The following EPHA3 variants were observed in gnomAD, a reference collection of about 807,000 sequenced individuals.
The protein encoded by EPHA3 is ephrin type-A receptor 3.
Under a neutral mutation model 107.1 loss-of-function variants are expected in EPHA3, and 42 were observed. The ratio of observed to expected loss-of-function variants is 0.39; its 90% CI spans 0.31 to 0.51. The LOEUF (loss-of-function observed/expected upper bound fraction) is 0.51, where lower values mean the gene tolerates loss of function less well. Among genes scored for constraint, EPHA3 ranks in the 20% least tolerant of loss-of-function variants. EPHA3 has a pLI of 0.78. For synonymous variants in EPHA3, 461 were observed against 424.8 expected (o/e 1.09, Z -1.05); for missense variants, 1,183 against 1,211.2 (o/e 0.98, Z 0.35).
chr3:89,145,904 A>C (rs1210169651), intron 2 of EPHA3, among the ~76,000 whole-genome samples: 1 of 151,824 alleles, frequency 6.6e-6, no homozygotes, highest in African/African-American at 2.4e-5. Context: ...TGCATAATTT[A>C]GTTAAAAAAG....
At chr3:89,294,767 G>A (rs529703846) in intron 3 of EPHA3, among the ~76,000 whole-genome samples, 1 of 152,226 alleles carries the variant, frequency 6.6e-6, no homozygotes, top group African/African-American at 2.4e-5. Context: ...GCCTACTAAT[G>A]CTAACATCTA....
At chr3:89,306,462 C>T (rs954965) in intron 3 of EPHA3, among the ~76,000 whole-genome samples, 11,153 of 152,156 alleles carry the variant, frequency 0.073, 1,336 homozygotes, top group African/African-American at 0.25. Flanking sequence ...TTAATGTTAA[C>T]AGTGGCTTTC....
rs376280559 is a variant in EPHA3 at position 89,424,379 on chromosome 3, G to T, written c.2075-4727G>T. On this transcript the variant is annotated intron_variant, in intron 11 of 16. Coordinates refer to ENST00000336596, the MANE Select transcript of EPHA3 (RefSeq NM_005233.6). ...TAGAAAATATGTATTCCTGATAAAG[G>T]TATGTAAACAGCCCCCAAACAAACA... Among the ~76,000 whole-genome samples, 77 of 151,196 alleles carry T rather than the reference G, an allele frequency of 5.1e-4. 2 individuals are homozygous for T. The East Asian group carries it at 0.012, about 24-fold the overall frequency.
chr3:89,149,001 T>C (rs1704631902), intron 2 of EPHA3, among the ~76,000 whole-genome samples: 1 of 151,998 alleles, frequency 6.6e-6, no homozygotes, highest in South Asian at 2.1e-4. Context: ...AAAGCTAGAA[T>C]GCCATAATGC....
At chr3:89,243,966 AGCCCC>A (rs1704971766) in intron 3 of EPHA3, among the ~76,000 whole-genome samples, 1 of 152,164 alleles carries the variant, frequency 6.6e-6, no homozygotes, top group Non-Finnish European at 1.5e-5. Context: ...AAAAAAATAA[AGCCCC>A]TCACTTTGAT....
intron 5 of EPHA3, among the ~76,000 whole-genome samples, chr3:89,365,315 T>TTTCA (rs1300200475): frequency 6.6e-6 from 1 of 150,732 alleles, no homozygotes; most frequent in Non-Finnish European, 1.5e-5. Context: ...AGGGGAAGAC[T>TTTCA]GAAAGGGCAA....
At chr3:89,441,300 G>A (rs1172301558) in intron 13 of EPHA3, among the ~76,000 whole-genome samples, 4 of 152,182 alleles carry the variant, frequency 2.6e-5, no homozygotes, top group Non-Finnish European at 5.9e-5. Flanking sequence ...GCAAACATTA[G>A]CTTCTGATTC....
chr3:89,316,505 A>ATATATATATATAT, intron 3 of EPHA3, among the ~76,000 whole-genome samples: 1 of 104,134 alleles, frequency 9.6e-6, no homozygotes, highest in African/African-American at 3.5e-5. Flanking sequence ...GTGTGTGTGT[A>ATATATATATATAT]ATATATATAT....
chr3:89,183,414 T>A (rs1416197779), intron 2 of EPHA3, among the ~76,000 whole-genome samples: 1 of 151,822 alleles, frequency 6.6e-6, no homozygotes, highest in Admixed American at 6.6e-5. Context: ...TGCAATTAGA[T>A]CTTCTCTTGC....
chr3:89,138,735 T>C (rs1480322746), intron 2 of EPHA3, among the ~76,000 whole-genome samples: 5 of 151,882 alleles, frequency 3.3e-5, no homozygotes, highest in African/African-American at 4.8e-5. Context: ...TGGTTATATA[T>C]CTTGAGGATT....
At chr3:89,321,313 G>A (rs185712998) in intron 3 of EPHA3, among the ~76,000 whole-genome samples, 3 of 151,282 alleles carry the variant, frequency 2.0e-5, no homozygotes, top group Non-Finnish European at 2.9e-5. Flanking sequence ...AAACAGTGCC[G>A]ATCAGAAGTA....
At chr3:89,326,088 G>A (rs1284270407) in intron 3 of EPHA3, among the ~76,000 whole-genome samples, 6 of 150,988 alleles carry the variant, frequency 4.0e-5, no homozygotes, top group African/African-American at 1.5e-4. Context: ...TGATTATGAT[G>A]ATCATTAATT....
intron 15 of EPHA3, among the ~76,000 whole-genome samples, chr3:89,459,247 T>C (rs1710164717): frequency 6.6e-6 from 1 of 152,154 alleles, no homozygotes; most frequent in African/African-American, 2.4e-5. Flanking sequence ...ATTCTGAATT[T>C]TGGAATAATA....
At position 89,282,102 on chromosome 3, in the gene EPHA3, G is replaced by C. The variant is rs1468266746; in HGVS notation, c.815-58814G>C. ...TAGTTTTATTAAACATCTACTATGA[G>C]TCAGACATACATCTAGAGTCAGATA... is the stretch of plus-strand genomic sequence containing the variant. On this transcript the variant is annotated intron_variant, in intron 3 of 16. Transcript: ENST00000336596. Among the ~76,000 whole-genome samples the C allele has an allele frequency of 2.0e-5, 3 of 152,080 alleles. No homozygotes were observed. The East Asian group carries it at 5.8e-4, about 29-fold the overall frequency.
chr3:89,381,721 T>A (rs1374090643), intron 5 of EPHA3, among the ~76,000 whole-genome samples: 1 of 151,896 alleles, frequency 6.6e-6, no homozygotes, highest in Admixed American at 6.6e-5. Flanking sequence ...GATGATTAGG[T>A]CATGAGATTA....
intron 15 of EPHA3, among the ~76,000 whole-genome samples, chr3:89,470,564 A>G (rs1710378902): frequency 6.6e-6 from 1 of 152,216 alleles, no homozygotes; most frequent in Non-Finnish European, 1.5e-5. Flanking sequence ...CACCAAGGTC[A>G]CACAAATAGT....
At chr3:89,142,480 A>G (rs762059416) in intron 2 of EPHA3, among the ~76,000 whole-genome samples, 13 of 149,600 alleles carry the variant, frequency 8.7e-5, no homozygotes, top group Non-Finnish European at 1.5e-5. Context: ...AAACATACCA[A>G]AAAAAATCTC....
intron 2 of EPHA3, among the ~76,000 whole-genome samples, chr3:89,152,784 T>C (rs1457956877): frequency 6.6e-6 from 1 of 152,108 alleles, no homozygotes. Flanking sequence ...AATATGTTTC[T>C]AAATGAACGA....
At chr3:89,302,232 C>T (rs1706509368) in intron 3 of EPHA3, among the ~76,000 whole-genome samples, 2 of 152,038 alleles carry the variant, frequency 1.3e-5, no homozygotes, top group Non-Finnish European at 2.9e-5. Flanking sequence ...CAATCATATT[C>T]ATATTGTATC....
Sources: allele counts gnomAD v4.1 joint callset (sites outside exome capture counted in the v4.1 genomes callset), GRCh38; gene constraint gnomAD v4.1.1; transcripts MANE v1.5; gene names NCBI Gene and HGNC (gene_info 2026-07-23, HGNC 2026-07-21).